The following BAZ2A variants were observed in gnomAD, a reference collection of about 807,000 sequenced individuals.
BAZ2A encodes the protein bromodomain adjacent to zinc finger domain 2A, also known as bromodomain adjacent to zinc finger domain protein 2A.
In BAZ2A, 34 loss-of-function variants were observed where a neutral mutation model predicts 199.9. The ratio of observed to expected loss-of-function variants is 0.17; its 90% CI spans 0.13 to 0.23. BAZ2A has a LOEUF of 0.23. BAZ2A is among the 10% of genes least tolerant of loss of function. The pLI is 1.00. For missense variants in BAZ2A, 2,002 were observed against 2,391.1 expected, an observed-to-expected ratio of 0.84 and a Z score of 3.39; for synonymous variants, 857 against 883.9, an observed-to-expected ratio of 0.97 and a Z score of 0.54.
Position 56,599,198 on chromosome 12 carries a change from T to A in BAZ2A, c.5333A>T (p.Glu1778Val). The A allele has an allele frequency of 6.2e-7, 1 of 1,613,364 alleles. No individual in the cohort carries two copies. Among genetic ancestry groups the A allele is most frequent in the Non-Finnish European group, 8.5e-7 (1 of 1,179,724 alleles). ...SPAAGPRYSE[E>V]GLSPSKRRRL... is the part of the protein sequence containing the mutation. Reference sequence around the variant, plus strand: ...CCGCCGCTTGGAGGGGGAGAGCCCTTCTTCCGAGTACCGAGGCCCTGCTGC... The same window carrying A: ...CCGCCGCTTGGAGGGGGAGAGCCCTACTTCCGAGTACCGAGGCCCTGCTGC... The change falls in exon 27 of 29, where the codon GAA becomes GTA. Residue 1778 changes from glutamate (E) to valine (V), a missense_variant. Physicochemically the swap from Glu to Val is moderately radical, Grantham distance 121 (BLOSUM62 -2). This residue lies in a region of BAZ2A where 122 missense variants were observed against 123.0 expected (regional missense o/e 0.99). Coordinates refer to ENST00000549884, the MANE Select transcript of BAZ2A (RefSeq NM_001300905.2).
At chr12:56,633,674 A>T (rs1385109804), upstream of BAZ2A, among the ~76,000 whole-genome samples, 2 of 151,504 alleles carry the variant, frequency 1.3e-5, no homozygotes, top group Non-Finnish European at 2.9e-5. Context: ...TGGGAAGGCT[A>T]GATTCTCCCA....
rs771601416 is a variant in BAZ2A at position 56,609,762 on chromosome 12, C to T, written c.2066G>A (p.Arg689His). Residue 689 changes from arginine to histidine, a missense_variant, in exon 10 of 29, where the codon CGC (arginine) becomes CAC (histidine). Coordinates refer to ENST00000549884, the MANE Select transcript of BAZ2A (RefSeq NM_001300905.2). The stretch of plus-strand genomic sequence containing the variant: ...TTGGGCCTCCAGTTTCTTTAGGGGG[C>T]GGTTGTCTGTCTTGTTCAATAGCTC... ...ITELLNKTDN[R>H]PLKKLEAQET... The T allele has an allele frequency of 8.1e-6, 13 of 1,613,662 alleles. No individual in the cohort carries two copies. The highest frequency in any genetic ancestry group is 1.1e-5 in the South Asian group (1 of 91,042).
At chr12:56,614,522 T>C (rs1337863909) in intron 3 of BAZ2A, among the ~76,000 whole-genome samples, 1 of 152,134 alleles carries the variant, frequency 6.6e-6, no homozygotes, top group African/African-American at 2.4e-5. Flanking sequence ...GGCTGTCACG[T>C]GTACTAATGC....
chr12:56,615,502 T>C lies in BAZ2A; in HGVS notation c.242A>G (p.His81Arg). ...ACAGTCGTAGGCCACGCTGGGGTGA[T>C]GGAGGTGTGAGGTGCTGGAGGAGTG... ...APHSSSTSHL[H>R]HPSVAYDCLW... Residue 81 changes from histidine (H) to arginine (R), a missense_variant, in exon 3 of 29, where the codon CAT (histidine) becomes CGT (arginine). By Grantham distance (29) the His-to-Arg change is conservative (BLOSUM62 0). Around this residue, in one of 6 missense-constraint regions of BAZ2A, gnomAD observed 641 missense variants for 694.5 expected, o/e 0.92. Transcript: ENST00000549884. 1 of 1,613,086 alleles carries C rather than the reference T, an allele frequency of 6.2e-7. No individual in the cohort carries two copies. Among genetic ancestry groups the C allele is most frequent in the Non-Finnish European group, 8.5e-7 (1 of 1,179,732 alleles).
intron 26 of BAZ2A, 107 bp from the exon 27 acceptor site, chr12:56,599,465 T>G (rs1886196821): frequency 7.4e-7 from 1 of 1,342,950 alleles, no homozygotes; most frequent in Non-Finnish European, 1.0e-6. Flanking sequence ...CTATCATGCA[T>G]AAGCCGGCAT....
chr12:56,614,253 G>T (rs2137050240), intron 3 of BAZ2A, 115 bp from the exon 4 acceptor site: 2 of 1,115,852 alleles, frequency 1.8e-6, no homozygotes, highest in Admixed American at 2.1e-5. Flanking sequence ...AACATTTATT[G>T]CGGCCAGTTC....
In BAZ2A at chr12:56,600,709, C is replaced by T. The variant is rs199970765; in HGVS notation, c.4574G>A (p.Arg1525Gln). 644 of 1,613,402 alleles carry T rather than the reference C, an allele frequency of 4.0e-4. 6 individuals are homozygous for T. The East Asian group carries it at 0.012, about 29-fold the overall frequency. Residue 1525 changes from arginine to glutamine, a missense_variant, in exon 23 of 29, where the codon CGG (arginine) becomes CAG (glutamine). Physicochemically the swap from Arg to Gln is conservative, Grantham distance 43 (BLOSUM62 1). Around this residue, in one of 6 missense-constraint regions of BAZ2A, gnomAD observed 1,081 missense variants for 1,274.7 expected, o/e 0.85. Transcript: ENST00000549884. ...VLQWVEELEQ[R>Q]VIMSDLQIRG... ...AATCTGCAGATCAGACATGATAACC[C>T]GCTGCTCCAGCTCCTCTACCCATTG...
intron 5 of BAZ2A, 68 bp downstream of exon 5, chr12:56,612,947 C>T (rs1950608826): frequency 6.7e-7 from 1 of 1,494,606 alleles, no homozygotes; most frequent in South Asian, 1.2e-5. Context: ...AAGGCCCTAA[C>T]TATGAAACTT....
At chr12:56,628,329 A>G (rs1245905525) in intron 1 of BAZ2A, among the ~76,000 whole-genome samples, 1 of 151,968 alleles carries the variant, frequency 6.6e-6, no homozygotes, top group Non-Finnish European at 1.5e-5. Context: ...CCATCACTAT[A>G]TGTTACAGGA....
chr12:56,606,429 T>A (rs1592572579), intron 11 of BAZ2A, 117 bp from the exon 12 acceptor site: 1 of 1,294,014 alleles, frequency 7.7e-7, no homozygotes, highest in East Asian at 2.3e-5. Context: ...GAATGAGGGG[T>A]TGGCAATGGA....
chr12:56,627,189 A>G (rs1951122061), intron 1 of BAZ2A, among the ~76,000 whole-genome samples: 1 of 152,242 alleles, frequency 6.6e-6, no homozygotes, highest in Non-Finnish European at 1.5e-5. Flanking sequence ...AATAATCTGA[A>G]AATGTTATCT....
chr12:56,608,867 C>CTTTTTT (rs67765071), intron 10 of BAZ2A, among the ~76,000 whole-genome samples: 10 of 69,904 alleles, frequency 1.4e-4, no homozygotes, highest in East Asian at 3.6e-4. Context: ...CCGTGCCTGG[C>CTTTTTT]TTTTTTTTTT....
In BAZ2A at chr12:56,609,860, A is replaced by G. The variant is rs867308556; in HGVS notation, c.1968T>C (p.Thr656=). ...ITGKRGRPRN[T]EKAKTKEVPK... ...GGACTTCCTTAGTCTTAGCCTTCTC[A>G]GTGTTTCGAGGTCGACCCCGTTTGC... Residue 656 remains threonine, a synonymous_variant, in exon 10 of 29, where the codon ACT becomes ACC. Coordinates refer to ENST00000549884, the MANE Select transcript of BAZ2A (RefSeq NM_001300905.2). The G allele has an allele frequency of 6.2e-7, 1 of 1,613,686 alleles. No homozygotes were observed. Among genetic ancestry groups the G allele is most frequent in the Non-Finnish European group, 8.5e-7 (1 of 1,179,822 alleles).
In BAZ2A at chr12:56,617,469, A is replaced by G; in HGVS notation, c.62T>C (p.Leu21Pro). 6.2e-7 allele frequency: 1 copy of G among 1,609,524 alleles called. No individual in the cohort carries two copies. Among genetic ancestry groups the G allele is most frequent in the Non-Finnish European group, 8.5e-7 (1 of 1,178,088 alleles). ...CTCCCCTGAGGAAGGAGAGGGTTTC[A>G]GTCCTGAGGCAGCAGGTGCAGGGGG... is the stretch of plus-strand genomic sequence containing the variant. ...GLPPAPAASG[L>P]KPSPSSGEGL... Residue 21 changes from leucine to proline, a missense_variant, in exon 2 of 29, where the codon CTG becomes CCG. By Grantham distance (98) the Leu-to-Pro change is moderately conservative (BLOSUM62 -3). This residue lies in a region of BAZ2A where 641 missense variants were observed against 694.5 expected (regional missense o/e 0.92). Transcript: ENST00000549884.
rs746800288 is a variant in BAZ2A at position 56,605,275 on chromosome 12, A to C, written c.2546T>G (p.Phe849Cys). 1.2e-6 allele frequency: 2 copies of C among 1,613,784 alleles called. No individual in the cohort carries two copies. Among genetic ancestry groups the C allele is most frequent in the Non-Finnish European group, 1.7e-6 (2 of 1,179,814 alleles). ...VPGLTLPSGAFSDCLTIVEFL... is the reference protein window; with the variant it reads ...VPGLTLPSGACSDCLTIVEFL... ...CTCCACAATGGTCAAGCAGTCTGAG[A>C]AGGCTCCACTGGGCAATGTCAGACC... Residue 849 changes from phenylalanine to cysteine, a missense_variant, in exon 14 of 29, where the codon TTC becomes TGC. Around this residue, in one of 6 missense-constraint regions of BAZ2A, gnomAD observed 1,081 missense variants for 1,274.7 expected, o/e 0.85. Coordinates refer to ENST00000549884, the MANE Select transcript of BAZ2A (RefSeq NM_001300905.2).
upstream of BAZ2A, among the ~76,000 whole-genome samples, chr12:56,637,478 A>G (rs913126191): frequency 6.6e-6 from 1 of 152,238 alleles, no homozygotes; most frequent in Non-Finnish European, 1.5e-5. Flanking sequence ...ATGCCTCTGC[A>G]TAGCCTCAAG....
upstream of BAZ2A, among the ~76,000 whole-genome samples, chr12:56,637,855 T>G (rs1862272323): frequency 6.6e-6 from 1 of 151,636 alleles, no homozygotes; most frequent in East Asian, 1.9e-4. Context: ...AGGAAACCCC[T>G]CACAAGAGGT....
upstream of BAZ2A, among the ~76,000 whole-genome samples, chr12:56,632,474 G>C (rs752776099): frequency 2.6e-5 from 4 of 152,052 alleles, no homozygotes; most frequent in Non-Finnish European, 5.9e-5. Context: ...GACGGGTGTA[G>C]CCACGCCCCT....
chr12:56,613,920 G>C (rs2137044763), intron 4 of BAZ2A, 33 bp downstream of exon 4: 1 of 1,594,808 alleles, frequency 6.3e-7, no homozygotes, highest in East Asian at 2.2e-5. Context: ...ACTCTGCATG[G>C]ATAAGTTAAA....
Sources: allele counts gnomAD v4.1 joint callset (sites outside exome capture counted in the v4.1 genomes callset), GRCh38; gene constraint gnomAD v4.1.1; regional missense constraint gnomAD v4.1.1; transcripts MANE v1.5; gene names NCBI Gene and HGNC (gene_info 2026-07-23, HGNC 2026-07-21).